The following NPL variants were observed in gnomAD, a reference collection of about 807,000 sequenced individuals.
NPL encodes the protein N-acetylneuraminate pyruvate lyase.
NPL carries 32 observed loss-of-function variants against 41.1 expected under a neutral mutation model. The observed-to-expected ratio is 0.78, with a 90% CI of 0.59 to 1.05. The LOEUF is 1.05. Among genes scored for constraint, NPL ranks in the 50% least tolerant of loss-of-function variants. NPL has a pLI of 0.00. For missense variants in NPL, 321 were observed against 378.4 expected (o/e 0.85, Z 1.26); for synonymous variants, 128 against 134.9 (o/e 0.95, Z 0.35).
At chr1:182,817,661 A>G (rs1157820310) in intron 8 of NPL, among the ~76,000 whole-genome samples, 2 of 152,220 alleles carry the variant, frequency 1.3e-5, no homozygotes, top group African/African-American at 4.8e-5. Context: ...CAGGGTTCCA[A>G]TTACCTCCTC....
chr1:182,822,091 C>T, intron 10 of NPL, 24 bp from the exon 11 acceptor site: 1 of 1,437,356 alleles, frequency 7.0e-7, no homozygotes, highest in South Asian at 1.1e-5. Flanking sequence ...ATTGAACCTG[C>T]AGTATTTGTT....
chr1:182,798,321 A>G (rs1666735109), intron 3 of NPL, among the ~76,000 whole-genome samples: 1 of 144,448 alleles, frequency 6.9e-6, no homozygotes, highest in Non-Finnish European at 1.5e-5. Flanking sequence ...TCCCCCTCCC[A>G]AGCTCAAGTG....
At chr1:182,817,830 A>G (rs1183737044) in intron 8 of NPL, among the ~76,000 whole-genome samples, 1 of 152,236 alleles carries the variant, frequency 6.6e-6, no homozygotes, top group Non-Finnish European at 1.5e-5. Context: ...CCCTCTCTGA[A>G]CAAGCCATCC....
chr1:182,829,819 A>G lies in NPL; in HGVS notation c.*911A>G, dbSNP rs1271391245. 6 of 607,288 alleles carry G rather than the reference A, an allele frequency of 9.9e-6. No homozygotes were observed. The highest frequency in any genetic ancestry group is 1.9e-5 in the African/African-American group (1 of 53,792). The allele number at this position is 607,288 out of a possible 1,614,324, so 37.6% of individuals were successfully genotyped here. A position where few individuals can be genotyped will look rare whatever the true frequency, so the allele number is the denominator to read the frequency against. On this transcript the variant is annotated 3_prime_UTR_variant, in exon 13 of 13. Transcript: ENST00000367553. The stretch of plus-strand genomic sequence containing the variant: ...TTGTTTAGTGATAGAAGATTTGGGG[A>G]GGACCCAAAGGACTCAGAACTTTCT...
intron 3 of NPL, among the ~76,000 whole-genome samples, chr1:182,803,362 T>C (rs1666908761): frequency 6.6e-6 from 1 of 152,240 alleles, no homozygotes; most frequent in Admixed American, 6.5e-5. Flanking sequence ...AAAAGATGTG[T>C]GGCCATATGG....
intron 10 of NPL, among the ~76,000 whole-genome samples, chr1:182,820,033 A>G (rs1383192548): frequency 6.6e-6 from 1 of 152,216 alleles, no homozygotes; most frequent in Non-Finnish European, 1.5e-5. Flanking sequence ...ATCTTTCTGC[A>G]CATCTCTTTA....
chr1:182,805,078 A>G (rs1380819545), intron 4 of NPL, among the ~76,000 whole-genome samples: 3 of 152,148 alleles, frequency 2.0e-5, no homozygotes, highest in Admixed American at 6.5e-5. Context: ...CACCATATGC[A>G]TGAGACCTCA....
At chr1:182,807,093 C>G (rs1369401706) in intron 5 of NPL, among the ~76,000 whole-genome samples, 1 of 152,196 alleles carries the variant, frequency 6.6e-6, no homozygotes, top group Non-Finnish European at 1.5e-5. Context: ...CGGTCTTGGC[C>G]TCCCAAAGTG....
chr1:182,804,564 A>C (rs528596920), intron 4 of NPL, among the ~76,000 whole-genome samples: 1 of 152,220 alleles, frequency 6.6e-6, no homozygotes, highest in Non-Finnish European at 1.5e-5. Flanking sequence ...ATAGAAGTGA[A>C]AGTTTAAAAA....
chr1:182,828,985 T>G lies in NPL; in HGVS notation c.*77T>G, dbSNP rs1667702380. On this transcript the variant is annotated 3_prime_UTR_variant, in exon 13 of 13. Transcript: ENST00000367553. The surrounding 1 kb of genome is among the most constrained non-coding windows in gnomAD (Gnocchi z 4.0). ...TAGTGCATTTTTTTCTCAGGGAATT[T>G]TAGATGAACTTGAATAAACTCTCCT... is the stretch of plus-strand genomic sequence containing the variant. 2 of 1,602,100 alleles carry G rather than the reference T, an allele frequency of 1.2e-6. No individual in the cohort carries two copies. The highest frequency in any genetic ancestry group is 4.5e-5 in the East Asian group (2 of 44,838).
At chr1:182,805,656 T>G (rs1666984173) in intron 4 of NPL, among the ~76,000 whole-genome samples, 1 of 152,252 alleles carries the variant, frequency 6.6e-6, no homozygotes. Flanking sequence ...TCCTTTGTGC[T>G]TATTTATGAA....
chr1:182,803,765 A>AT lies in NPL; in HGVS notation c.141dup (p.Val48CysfsTer59), dbSNP rs762355507. On this transcript the variant is annotated frameshift_variant, in exon 4 of 13. Transcript: ENST00000367553. LOFTEE classifies it high-confidence loss of function. ...TGTGAAAGAACAGGGAGTGAAGAACATTTTTGGTAAGTCAACTCTGGGGAT... is the reference window on the plus strand; with the variant it reads ...TGTGAAAGAACAGGGAGTGAAGAACATTTTTTGGTAAGTCAACTCTGGGGAT... The AT allele has an allele frequency of 2.5e-6, 4 of 1,610,010 alleles. No individual in the cohort carries two copies. Among genetic ancestry groups the AT allele is most frequent in the Non-Finnish European group, 3.4e-6 (4 of 1,176,250 alleles).
intron 6 of NPL, among the ~76,000 whole-genome samples, chr1:182,813,572 T>C (rs1300306812): frequency 2.6e-5 from 4 of 152,182 alleles, no homozygotes; most frequent in Admixed American, 2.0e-4. Flanking sequence ...CAATGTATAA[T>C]ACAAATTTTA....
rs764401213 is a variant in NPL at position 182,812,120 on chromosome 1, ACT to A, written c.231-33_231-32del. On this transcript the variant is annotated intron_variant, in intron 5 of 12. Coordinates refer to ENST00000367553, the MANE Select transcript of NPL (RefSeq NM_030769.3). ...GTGCAGCCCTTCTGCATGCCTCTAAACTCTAAGCGATGCAGCAGTGTTTTTTC... is the reference window on the plus strand; with the variant it reads ...GTGCAGCCCTTCTGCATGCCTCTAAACTAAGCGATGCAGCAGTGTTTTTTC... 4 of 1,611,280 alleles carry A rather than the reference ACT, an allele frequency of 2.5e-6. No homozygotes were observed. In the South Asian group the frequency reaches 4.4e-5, roughly 18 times the overall value.
rs756297107 is a variant in NPL at position 182,806,140 on chromosome 1, A to C, written c.143-5A>C. 30 of 1,614,018 alleles carry C rather than the reference A, an allele frequency of 1.9e-5. No homozygotes were observed. Among genetic ancestry groups the C allele is most frequent in the Middle Eastern group, 1.6e-4 (1 of 6,076 alleles). ...GTCCTGCTGACTTACTCTTTGTTTG[A>C]ACAGTGAATGGCACAACAGGAGAAG... is the stretch of plus-strand genomic sequence containing the variant. On this transcript the variant is annotated splice_polypyrimidine_tract_variant and splice_region_variant and intron_variant, in intron 4 of 12. Coordinates refer to ENST00000367553, the MANE Select transcript of NPL (RefSeq NM_030769.3).
chr1:182,812,192 C>T lies in NPL; in HGVS notation c.267C>T (p.Ser89=). 1 of 1,613,882 alleles carries T rather than the reference C, an allele frequency of 6.2e-7. No homozygotes were observed. Among genetic ancestry groups the T allele is most frequent in the Admixed American group, 1.7e-5 (1 of 60,004 alleles). ...DQVIIHVGAL[S]LKESQELAQH... is the part of the protein sequence containing the mutation. ...TGATAATTCACGTAGGAGCACTGAGCTTGAAGGAGTCACAGGAACTGGTAT... is the reference window on the plus strand; with the variant it reads ...TGATAATTCACGTAGGAGCACTGAGTTTGAAGGAGTCACAGGAACTGGTAT... The change falls in exon 6 of 13, where the codon AGC becomes AGT. Residue 89 remains serine (S), a synonymous_variant. Transcript: ENST00000367553.
chr1:182,813,913 C>T (rs1667250217), intron 6 of NPL, among the ~76,000 whole-genome samples: 1 of 152,178 alleles, frequency 6.6e-6, no homozygotes, highest in African/African-American at 2.4e-5. Context: ...GAAATTATTC[C>T]CAGTGCCTTA....
chr1:182,801,951 A>T (rs1358818697), intron 3 of NPL, among the ~76,000 whole-genome samples: 1 of 152,184 alleles, frequency 6.6e-6, no homozygotes, highest in African/African-American at 2.4e-5. Flanking sequence ...CTGAGCCCCC[A>T]TACAATTACT....
chr1:182,790,843 A>G (rs1291650404), intron 1 of NPL, among the ~76,000 whole-genome samples: 1 of 152,132 alleles, frequency 6.6e-6, no homozygotes, highest in Admixed American at 6.6e-5. Context: ...GGGTTTGGCC[A>G]TGTTGGCCAG....
Sources: gnomAD v4.1 joint callset for allele counts (sites outside exome capture counted in the v4.1 genomes callset) on GRCh38, gnomAD v4.1.1 for gene constraint, Gnocchi (gnomAD v3.1) non-coding constraint, MANE v1.5 for transcripts, NCBI Gene and HGNC (gene_info 2026-07-23, HGNC 2026-07-21) for gene names.